TRPM3: variants seen among roughly 807,000 people sequenced by gnomAD.
The protein encoded by TRPM3 is transient receptor potential cation channel subfamily M member 3, also known as long transient receptor potential channel 3.
TRPM3 carries 77 observed loss-of-function variants against 181.2 expected under a neutral mutation model. The observed-to-expected ratio is 0.42, with a 90% CI of 0.35 to 0.51. The LOEUF is 0.51. Ranked by LOEUF, TRPM3 falls within the 20% of genes least tolerant of loss-of-function variation. TRPM3 has a pLI of 0.01. For synonymous variants in TRPM3, 745 were observed against 796.4 expected (o/e 0.94, Z 1.09); for missense variants, 1,759 against 2,196.7 (o/e 0.80, Z 3.98).
intron 1 of TRPM3, among the ~76,000 whole-genome samples, chr9:71,203,056 A>G (rs535000921): frequency 6.6e-6 from 1 of 152,296 alleles, no homozygotes; most frequent in East Asian, 1.9e-4. Flanking sequence ...CAGGTTGCAA[A>G]TGGATGGCCT....
At chr9:71,113,331 A>G (rs1587345874) in intron 1 of TRPM3, among the ~76,000 whole-genome samples, 1 of 152,192 alleles carries the variant, frequency 6.6e-6, no homozygotes, top group Non-Finnish European at 1.5e-5. Context: ...ATGGGAGAAA[A>G]CAAGGCAAAA....
chr9:70,554,028 G>A (rs891763774), intron 22 of TRPM3, among the ~76,000 whole-genome samples: 1 of 149,932 alleles, frequency 6.7e-6, no homozygotes, highest in African/African-American at 2.5e-5. Context: ...CAGGGCACAG[G>A]AAACAAAACC....
chr9:70,880,561 T>A (rs2095971071), intron 1 of TRPM3, among the ~76,000 whole-genome samples: 1 of 152,130 alleles, frequency 6.6e-6, no homozygotes, highest in African/African-American at 2.4e-5. Flanking sequence ...TTTTAGTTGG[T>A]ATTTGCATGT....
At chr9:70,814,386 T>A (rs576801051) in intron 6 of TRPM3, among the ~76,000 whole-genome samples, 41 of 152,276 alleles carry the variant, frequency 2.7e-4, no homozygotes, top group African/African-American at 9.6e-4. Flanking sequence ...ACTAGATTGT[T>A]CTCATGATAT....
At chr9:70,987,103 TTA>T (rs1306536810) in intron 1 of TRPM3, among the ~76,000 whole-genome samples, 1 of 152,052 alleles carries the variant, frequency 6.6e-6, no homozygotes, top group African/African-American at 2.4e-5. Flanking sequence ...AATGTATTAT[TTA>T]TCTCTTCCAG....
At chr9:70,640,136 C>T (rs145131083) in intron 10 of TRPM3, among the ~76,000 whole-genome samples, 2 of 152,162 alleles carry the variant, frequency 1.3e-5, no homozygotes, top group Non-Finnish European at 2.9e-5. Flanking sequence ...GACCAGATGG[C>T]GCCTGCAGAG....
At chr9:71,083,283 C>T (rs1436691442) in intron 1 of TRPM3, among the ~76,000 whole-genome samples, 2 of 152,094 alleles carry the variant, frequency 1.3e-5, no homozygotes, top group Non-Finnish European at 2.9e-5. Context: ...GGATGATTTA[C>T]AGACATCATC....
At chr9:70,545,466 GAC>G (rs1304641376) in intron 25 of TRPM3, among the ~76,000 whole-genome samples, 2 of 151,284 alleles carry the variant, frequency 1.3e-5, no homozygotes, top group Non-Finnish European at 2.9e-5. Flanking sequence ...CTTTGGAAAA[GAC>G]ACAGCACAGT....
At position 70,864,526 on chromosome 9, in the gene TRPM3, A is replaced by C; in HGVS notation, c.178-15T>G. ...GATTTCTGAGCCTGAAAAAGAAAAC[A>C]AAAAAAAAAAAAAAAGAAAAAAGAA... On this transcript the variant is annotated splice_polypyrimidine_tract_variant and intron_variant, in intron 1 of 25. Coordinates refer to ENST00000677713, the MANE Select transcript of TRPM3 (RefSeq NM_001366145.2). The C allele has an allele frequency of 1.3e-6, 1 of 798,608 alleles. No individual in the cohort carries two copies. The highest frequency in any genetic ancestry group is 2.7e-5 in the South Asian group (1 of 37,662). The allele number at this position is 798,608 out of a possible 1,614,324, so 49.5% of individuals were successfully genotyped here. A position where few individuals can be genotyped will look rare whatever the true frequency, so the allele number is the denominator to read the frequency against.
chr9:70,611,431 T>G (rs116138496), intron 18 of TRPM3, among the ~76,000 whole-genome samples: 177 of 152,248 alleles, frequency 1.2e-3, no homozygotes, highest in African/African-American at 4.2e-3. Flanking sequence ...GGTTTTAAAG[T>G]GTGGCACTTC....
intron 1 of TRPM3, among the ~76,000 whole-genome samples, chr9:71,246,146 A>G (rs188486496): frequency 6.6e-6 from 1 of 152,328 alleles, no homozygotes; most frequent in East Asian, 1.9e-4. Flanking sequence ...CCTTCCCTTT[A>G]TGGGATCCAA....
chr9:71,008,856 A>G (rs1274333332), intron 1 of TRPM3, among the ~76,000 whole-genome samples: 1 of 152,260 alleles, frequency 6.6e-6, no homozygotes, highest in Non-Finnish European at 1.5e-5. Flanking sequence ...AAAAACAACA[A>G]CAACAACAAA....
intron 1 of TRPM3, among the ~76,000 whole-genome samples, chr9:71,146,423 G>C (rs1378021370): frequency 2.0e-5 from 3 of 152,086 alleles, no homozygotes; most frequent in African/African-American, 7.2e-5. Context: ...TCCAATCTAT[G>C]AGCCATTAAC....
At chr9:71,392,524 T>C (rs2093086829) in intron 1 of TRPM3, among the ~76,000 whole-genome samples, 1 of 152,058 alleles carries the variant, frequency 6.6e-6, no homozygotes, top group African/African-American at 2.4e-5. Flanking sequence ...TTTCAGATTA[T>C]CCTCTCCATT....
At chr9:71,282,387 GGAAA>G (rs1280632143) in intron 1 of TRPM3, among the ~76,000 whole-genome samples, 2 of 80,468 alleles carry the variant, frequency 2.5e-5, no homozygotes, top group African/African-American at 1.6e-4. Context: ...AAGAAAGAAA[GGAAA>G]GAAAGAAAGG....
chr9:70,886,845 A>T (rs2096092965), intron 1 of TRPM3, among the ~76,000 whole-genome samples: 2 of 151,994 alleles, frequency 1.3e-5, no homozygotes, highest in African/African-American at 4.8e-5. Context: ...TTGTATATTT[A>T]GTAGAAACGG....
At chr9:71,204,288 G>A (rs1471330438) in intron 1 of TRPM3, among the ~76,000 whole-genome samples, 2 of 150,770 alleles carry the variant, frequency 1.3e-5, no homozygotes, top group African/African-American at 4.9e-5. Context: ...CTACAGAATG[G>A]GAGAAAATTT....
At chr9:70,926,658 A>G (rs186690272) in intron 1 of TRPM3, among the ~76,000 whole-genome samples, 23 of 152,280 alleles carry the variant, frequency 1.5e-4, no homozygotes, top group African/African-American at 4.6e-4. Flanking sequence ...CAAACAGAAC[A>G]ATTTCTCTGT....
intron 1 of TRPM3, among the ~76,000 whole-genome samples, chr9:70,906,340 T>C (rs2096463958): frequency 6.6e-6 from 1 of 152,198 alleles, no homozygotes; most frequent in African/African-American, 2.4e-5. Flanking sequence ...AGGTTTCATC[T>C]TCTGCAATTA....
Sources: gnomAD v4.1 joint callset for allele counts (sites outside exome capture counted in the v4.1 genomes callset) on GRCh38, gnomAD v4.1.1 for gene constraint, MANE v1.5 for transcripts, NCBI Gene and HGNC (gene_info 2026-07-23, HGNC 2026-07-21) for gene names.